The following SHROOM2 variants were observed in gnomAD, a reference collection of about 807,000 sequenced individuals.
SHROOM2 encodes the protein shroom family member 2.
In SHROOM2, 33 loss-of-function variants were observed where a neutral mutation model predicts 75.9. The observed-to-expected ratio is 0.43, with a 90% CI of 0.33 to 0.58. The LOEUF (loss-of-function observed/expected upper bound fraction) is 0.58. Among genes scored for constraint, SHROOM2 ranks in the 20% least tolerant of loss-of-function variants. SHROOM2 has a pLI of 0.04. For missense variants in SHROOM2, 1,434 were observed against 1,461.2 expected, an observed-to-expected ratio of 0.98 and a Z score of 0.30; for synonymous variants, 655 against 663.6, an observed-to-expected ratio of 0.99 and a Z score of 0.20.
At chrX:9,813,402 G>T (rs2083802291) in intron 1 of SHROOM2, among the ~76,000 whole-genome samples, 1 of 111,541 alleles carries the variant, frequency 9.0e-6, no homozygotes, top group South Asian at 3.8e-4. Context: ...TGACGTTTTG[G>T]CTCCCTTGGA....
chrX:9,875,498 G>T (rs1009565649), intron 2 of SHROOM2, among the ~76,000 whole-genome samples: 3 of 111,699 alleles, frequency 2.7e-5, no homozygotes, highest in Non-Finnish European at 3.8e-5. Flanking sequence ...GTACTGTCTC[G>T]TTCTGGGCTC....
chrX:9,786,491 G>A lies in SHROOM2; in HGVS notation c.-55G>A, dbSNP rs1315757415. On this transcript the variant is annotated 5_prime_UTR_variant, in exon 1 of 10. Coordinates refer to ENST00000380913, the MANE Select transcript of SHROOM2 (RefSeq NM_001649.4). ...TCGGAGCCTCCCTTGCGATCCCACG[G>A]CCGGGACTGCCCGGAGTGCATGGGC... 4 of 828,419 alleles carry A rather than the reference G, an allele frequency of 4.8e-6. No homozygotes were observed. In the East Asian group the frequency reaches 2.1e-4, roughly 43 times the overall value. 68.3% of individuals were successfully genotyped at this position (828,419 alleles called of 1,213,427 possible). A position where few individuals can be genotyped will look rare whatever the true frequency, so the allele number is the denominator to read the frequency against.
At chrX:9,849,387 C>G (rs2084025921) in intron 1 of SHROOM2, among the ~76,000 whole-genome samples, 1 of 112,172 alleles carries the variant, frequency 8.9e-6, no homozygotes, top group Non-Finnish European at 1.9e-5. Flanking sequence ...CGCCCTGAAA[C>G]AAACCTTTCC....
intron 1 of SHROOM2, among the ~76,000 whole-genome samples, chrX:9,837,970 T>G (rs150309561): frequency 3.6e-5 from 4 of 110,552 alleles, no homozygotes. Flanking sequence ...ACAGCTGGAA[T>G]TGGGTGGTCC....
chrX:9,786,961 C>T (rs923804116), intron 1 of SHROOM2, among the ~76,000 whole-genome samples: 2 of 111,738 alleles, frequency 1.8e-5, no homozygotes, highest in African/African-American at 3.2e-5. Context: ...CTCCTCCGGG[C>T]AGGGGCCTGG....
Position 9,946,609 on chromosome X carries a change from A to G in SHROOM2, c.4585-62A>G, listed in dbSNP as rs2084821321. 6 of 1,106,315 alleles carry G rather than the reference A, an allele frequency of 5.4e-6. No individual in the cohort carries two copies. In the Admixed American group the frequency reaches 1.6e-4, roughly 29 times the overall value. The allele number at this position is 1,106,315 out of a possible 1,213,427, so 91.2% of individuals were successfully genotyped here. On this transcript the variant is annotated intron_variant, in intron 9 of 9. Transcript: ENST00000380913. ...AGCCCACAAGTTGCCAGTGTCTTCA[A>G]GGGTTGGCCAGTGCCCCAGCTTTCA... is the stretch of plus-strand genomic sequence containing the variant.
At chrX:9,800,748 G>T (rs894140581) in intron 1 of SHROOM2, among the ~76,000 whole-genome samples, 1 of 108,479 alleles carries the variant, frequency 9.2e-6, no homozygotes, top group South Asian at 4.3e-4. Context: ...TCTCCTGAGC[G>T]CAAGTGATTC....
intron 1 of SHROOM2, among the ~76,000 whole-genome samples, chrX:9,811,976 G>T (rs1394045609): frequency 9.0e-6 from 1 of 111,513 alleles, no homozygotes; most frequent in Non-Finnish European, 1.9e-5. Context: ...TTTGATGATG[G>T]AATGCTGCTG....
At chrX:9,890,299 C>G (rs2084282945) in intron 2 of SHROOM2, among the ~76,000 whole-genome samples, 1 of 112,257 alleles carries the variant, frequency 8.9e-6, no homozygotes, top group Non-Finnish European at 1.9e-5. Flanking sequence ...CCTGGGAGGC[C>G]CAGGTTGCAG....
At chrX:9,828,272 G>A (rs1347616129) in intron 1 of SHROOM2, among the ~76,000 whole-genome samples, 2 of 112,066 alleles carry the variant, frequency 1.8e-5, no homozygotes, top group Admixed American at 1.9e-4. Flanking sequence ...TACCTGGTCC[G>A]TCCCTTGACA....
At chrX:9,792,700 A>C (rs1272981792) in intron 1 of SHROOM2, among the ~76,000 whole-genome samples, 1 of 109,495 alleles carries the variant, frequency 9.1e-6, no homozygotes, top group Non-Finnish European at 1.9e-5. Flanking sequence ...TACTCATAGA[A>C]GGGAAGGGGC....
At chrX:9,909,091 G>A (rs1200607647) in intron 5 of SHROOM2, among the ~76,000 whole-genome samples, 1 of 111,357 alleles carries the variant, frequency 9.0e-6, no homozygotes, top group African/African-American at 3.3e-5. Context: ...TGAGTCTAGG[G>A]TTGGGGCAGG....
chrX:9,805,778 G>T (rs1366809108), intron 1 of SHROOM2, among the ~76,000 whole-genome samples: 2 of 110,167 alleles, frequency 1.8e-5, no homozygotes, highest in Non-Finnish European at 3.8e-5. Context: ...TGGGACTTAA[G>T]GAGAGTATCT....
chrX:9,938,517 C>T (rs746324092), intron 7 of SHROOM2, among the ~76,000 whole-genome samples: 1 of 112,055 alleles, frequency 8.9e-6, no homozygotes, highest in Non-Finnish European at 1.9e-5. Flanking sequence ...GGTGCCACTG[C>T]ACTCCAGTGT....
In SHROOM2 at chrX:9,942,959, C is replaced by T. The variant is rs181105780; in HGVS notation, c.4312-1682C>T. On this transcript the variant is annotated intron_variant, in intron 8 of 9. Transcript: ENST00000380913. The stretch of plus-strand genomic sequence containing the variant: ...TCTTAAGACCTGCATTCATTCAAGG[C>T]GGTGGAGGATTTCTTTATGGAAAGG... 8.1e-3 allele frequency among the ~76,000 whole-genome samples: 896 copies of T among 111,178 alleles called. 9 individuals are homozygous for T. The highest frequency in any genetic ancestry group is 0.027 in the African/African-American group (833 of 30,571).
At chrX:9,803,540 G>A (rs954368273) in intron 1 of SHROOM2, among the ~76,000 whole-genome samples, 3 of 110,807 alleles carry the variant, frequency 2.7e-5, no homozygotes, top group Admixed American at 9.6e-5. Flanking sequence ...AAGGGTGCCC[G>A]GCGCTTTTCC....
At chrX:9,862,700 A>G (rs1192358120) in intron 1 of SHROOM2, among the ~76,000 whole-genome samples, 4 of 112,043 alleles carry the variant, frequency 3.6e-5, no homozygotes, top group African/African-American at 9.7e-5. Flanking sequence ...GCGTGCCTCC[A>G]CCGCCCTCTG....
intron 4 of SHROOM2, among the ~76,000 whole-genome samples, chrX:9,897,933 C>T (rs960297110): frequency 2.7e-5 from 3 of 112,117 alleles, no homozygotes; most frequent in East Asian, 2.8e-4. Flanking sequence ...GAGGCTTCAC[C>T]GCTGTAATTT....
rs140586653 is a variant in SHROOM2, at chrX:9,871,294, T to G, written c.166-2358T>G. Among the ~76,000 whole-genome samples, 924 of 112,282 alleles carry G rather than the reference T, an allele frequency of 8.2e-3. 7 individuals carry two copies. The highest frequency in any genetic ancestry group is 0.029 in the African/African-American group (888 of 30,869). ...GCGGGCGTCATTCCAGCCACAGCACTTAGCAGTGACCTAGAGAAACAGATA... is the reference window on the plus strand; with the variant it reads ...GCGGGCGTCATTCCAGCCACAGCACGTAGCAGTGACCTAGAGAAACAGATA... On this transcript the variant is annotated intron_variant, in intron 1 of 9. Transcript: ENST00000380913.
Sources: gnomAD v4.1 joint callset for allele counts (sites outside exome capture counted in the v4.1 genomes callset) on GRCh38, gnomAD v4.1.1 for gene constraint, MANE v1.5 for transcripts, NCBI Gene and HGNC (gene_info 2026-07-23, HGNC 2026-07-21) for gene names.